SVIL: variants seen among roughly 807,000 people sequenced by gnomAD.
The protein encoded by SVIL is supervillin.
Under a neutral mutation model 240.4 loss-of-function variants are expected in SVIL, and 101 were observed. That is an observed-to-expected ratio of 0.42 (90% confidence interval 0.36 to 0.50). SVIL has a LOEUF of 0.50. SVIL is among the 20% of genes least tolerant of loss of function. The probability of loss-of-function intolerance (pLI) is 0.01; values close to 1 mark genes in which losing one functional copy is unlikely to be tolerated. For synonymous variants in SVIL, 999 were observed against 1,100.0 expected (o/e 0.91, Z 1.82); for missense variants, 2,512 against 2,818.7 (o/e 0.89, Z 2.46).
At chr10:29,600,279 T>C (rs1303268872) in intron 1 of SVIL, among the ~76,000 whole-genome samples, 1 of 152,164 alleles carries the variant, frequency 6.6e-6, no homozygotes, top group Non-Finnish European at 1.5e-5. Flanking sequence ...TGACACAGAC[T>C]AGAAATCACA....
At chr10:29,598,454 A>G (rs931355645) in intron 1 of SVIL, among the ~76,000 whole-genome samples, 6 of 152,248 alleles carry the variant, frequency 3.9e-5, no homozygotes, top group African/African-American at 1.4e-4. Flanking sequence ...ATGAAGGGTT[A>G]ACAGGTGGGT....
Position 29,586,229 on chromosome 10 carries a change from G to C in SVIL, c.-200-16917C>G, listed in dbSNP as rs571372849. 5.9e-5 allele frequency among the ~76,000 whole-genome samples: 9 copies of C among 152,330 alleles called. No homozygotes were observed. In the South Asian group the frequency reaches 1.7e-3, roughly 28 times the overall value. On this transcript the variant is annotated intron_variant, in intron 1 of 37. Coordinates refer to ENST00000355867, the MANE Select transcript of SVIL (RefSeq NM_021738.3). ...GAGGGGAGGCTGGTTAATGCAATTT[G>C]AGGAGAGAAATGTACGATGGAGAGG...
chr10:29,574,592 T>C (rs932327265), intron 1 of SVIL, among the ~76,000 whole-genome samples: 2 of 152,186 alleles, frequency 1.3e-5, no homozygotes, highest in Admixed American at 6.5e-5. Flanking sequence ...GTTAGATGAC[T>C]CCTGTAGAAT....
At chr10:29,691,894 G>T (rs986156039) in intron 1 of SVIL, among the ~76,000 whole-genome samples, 37 of 152,114 alleles carry the variant, frequency 2.4e-4, no homozygotes, top group African/African-American at 8.9e-4. Context: ...TCAAATAACT[G>T]AGCAGCACGC....
intron 1 of SVIL, among the ~76,000 whole-genome samples, chr10:29,591,096 C>G (rs1010969064): frequency 1.3e-5 from 2 of 152,210 alleles, no homozygotes; most frequent in African/African-American, 4.8e-5. Flanking sequence ...AAACTCCCTG[C>G]CCACACAAAC....
chr10:29,542,054 C>T (rs1564607994), intron 6 of SVIL, among the ~76,000 whole-genome samples: 1 of 152,192 alleles, frequency 6.6e-6, no homozygotes, highest in East Asian at 1.9e-4. Flanking sequence ...AACAACATCG[C>T]TAAGCCTGCT....
chr10:29,647,637 TTG>T (rs530113396), intron 3 of SVIL, among the ~76,000 whole-genome samples: 9 of 150,338 alleles, frequency 6.0e-5, no homozygotes, highest in Admixed American at 6.7e-5. Flanking sequence ...GTGTGTGTGT[TTG>T]TGTGTGTGTG....
intron 1 of SVIL, among the ~76,000 whole-genome samples, chr10:29,603,529 T>TATG: frequency 2.0e-5 from 1 of 50,004 alleles, no homozygotes; most frequent in East Asian, 3.1e-4. Flanking sequence ...TCCCAAGAAT[T>TATG]ATAATTTATG....
At chr10:29,580,594 A>G (rs1955899689) in intron 1 of SVIL, among the ~76,000 whole-genome samples, 1 of 152,254 alleles carries the variant, frequency 6.6e-6, no homozygotes, top group South Asian at 2.1e-4. Flanking sequence ...TGCTCAGTGA[A>G]CATCAATGAA....
chr10:29,460,416 A>AC (rs1432803232), intron 36 of SVIL, among the ~76,000 whole-genome samples: 1 of 152,098 alleles, frequency 6.6e-6, no homozygotes, highest in Admixed American at 6.6e-5. Context: ...CCCGCTGCTA[A>AC]CCCCCAAGAT....
In SVIL at chr10:29,524,671, G is replaced by T. The variant is rs1419396195; in HGVS notation, c.2387C>A (p.Thr796Lys). ...CTCAGCAAGCTCTTTGCCCTCATTTGTCTGGTCCTTGGCTAAGGCCTTTTG... is the reference window on the plus strand; with the variant it reads ...CTCAGCAAGCTCTTTGCCCTCATTTTTCTGGTCCTTGGCTAAGGCCTTTTG... ...AHQKALAKDQ[T>K]NEGKELAEQG... The change falls in exon 14 of 38, where the codon ACA becomes AAA. Residue 796 changes from threonine to lysine, a missense_variant. Physicochemically the swap from Thr to Lys is moderately conservative, Grantham distance 78 (BLOSUM62 -1). This residue lies in a region of SVIL where 1,443 missense variants were observed against 1,486.6 expected (regional missense o/e 0.97). Transcript: ENST00000355867. 1.2e-6 allele frequency: 2 copies of T among 1,614,152 alleles called. No individual in the cohort carries two copies. The highest frequency in any genetic ancestry group is 3.3e-5 in the Admixed American group (2 of 60,018).
At chr10:29,551,715 A>G (rs1405554018) in intron 5 of SVIL, among the ~76,000 whole-genome samples, 2 of 152,234 alleles carry the variant, frequency 1.3e-5, no homozygotes, top group African/African-American at 4.8e-5. Context: ...GGGATCTGAG[A>G]GTAACCATAA....
intron 29 of SVIL, 29 bp downstream of exon 29, chr10:29,480,508 G>A: frequency 6.2e-7 from 1 of 1,606,354 alleles, no homozygotes. Flanking sequence ...GCCTCTTTCA[G>A]CTGGAAAAAA....
chr10:29,515,726 A>G (rs1950157446), intron 16 of SVIL, among the ~76,000 whole-genome samples: 1 of 152,210 alleles, frequency 6.6e-6, no homozygotes, highest in South Asian at 2.1e-4. Context: ...TGAGTTCATT[A>G]AAAGTCATGA....
intron 6 of SVIL, among the ~76,000 whole-genome samples, chr10:29,541,068 A>G (rs376343415): frequency 1.3e-5 from 2 of 152,258 alleles, no homozygotes; most frequent in African/African-American, 4.8e-5. Context: ...TTTAAAAAAC[A>G]TGAACAAAAA....
intron 1 of SVIL, among the ~76,000 whole-genome samples, chr10:29,579,896 G>A (rs1452948302): frequency 6.6e-6 from 1 of 152,038 alleles, no homozygotes; most frequent in East Asian, 1.9e-4. Context: ...GGGGGCGGAT[G>A]CAAGGCTGAG....
In SVIL at chr10:29,462,370, A is replaced by G. The variant is rs749261332; in HGVS notation, c.6309T>C (p.Ser2103=). 8 of 1,614,196 alleles carry G rather than the reference A, an allele frequency of 5.0e-6. No homozygotes were observed. The highest frequency in any genetic ancestry group is 5.1e-6 in the Non-Finnish European group (6 of 1,180,032). The change falls in exon 36 of 38, where the codon TCT becomes TCC. Residue 2103 remains serine, a synonymous_variant. Coordinates refer to ENST00000355867, the MANE Select transcript of SVIL (RefSeq NM_021738.3). ...GKNLKKPAPK[S]YLIHAGLEPL... is the part of the protein sequence containing the mutation. ...GCTCCAGACCAGCGTGGATAAGGTA[A>G]GACTTGGGGGCTGGTTTCTTGAGAT...
Position 29,529,899 on chromosome 10 carries a change from G to A in SVIL, c.2107-55C>T, listed in dbSNP as rs115177975. Reference sequence around the variant, plus strand: ...TAAATTCAAGGAAAGAGCTGGGCACGGTGGCTCACGCCTGTAATCCCAGCA... The same window carrying A: ...TAAATTCAAGGAAAGAGCTGGGCACAGTGGCTCACGCCTGTAATCCCAGCA... On this transcript the variant is annotated intron_variant, in intron 11 of 37. Transcript: ENST00000355867. The A allele has an allele frequency of 3.8e-3, 5,739 of 1,524,126 alleles. 190 individuals are homozygous for A. In the African/African-American group the frequency reaches 0.069, roughly 18 times the overall value. The allele number at this position is 1,524,126 out of a possible 1,614,324, so 94.4% of individuals were successfully genotyped here.
chr10:29,722,012 C>T (rs943692), intron 1 of SVIL, among the ~76,000 whole-genome samples: 96,349 of 151,814 alleles, frequency 0.63, 30,774 homozygotes, highest in Non-Finnish European at 0.67. Context: ...CCGAGGCAGG[C>T]GGATGACCTT....
Sources: allele counts gnomAD v4.1 joint callset (sites outside exome capture counted in the v4.1 genomes callset), GRCh38; gene constraint gnomAD v4.1.1; regional missense constraint gnomAD v4.1.1; transcripts MANE v1.5; gene names NCBI Gene and HGNC (gene_info 2026-07-23, HGNC 2026-07-21).